DPYD: variants seen among roughly 807,000 people sequenced by gnomAD.
DPYD encodes dihydropyrimidine dehydrogenase.
DPYD carries 109 observed loss-of-function variants against 116.2 expected under a neutral mutation model. That is an observed-to-expected ratio of 0.94 (90% CI 0.80 to 1.10). The LOEUF (loss-of-function observed/expected upper bound fraction) is 1.10, where lower values mean the gene tolerates loss of function less well. DPYD is among the 50% of genes least tolerant of loss of function. The pLI is 0.00. For missense variants in DPYD, 1,302 were observed against 1,254.5 expected, an observed-to-expected ratio of 1.04 and a Z score of -0.57; for synonymous variants, 440 against 432.0, an observed-to-expected ratio of 1.02 and a Z score of -0.23.
intron 15 of DPYD, among the ~76,000 whole-genome samples, chr1:97,380,619 A>G (rs955457940): frequency 6.6e-6 from 1 of 152,206 alleles, no homozygotes; most frequent in African/African-American, 2.4e-5. Context: ...AAGGTTTAGT[A>G]TACATCATCA....
intron 3 of DPYD, among the ~76,000 whole-genome samples, chr1:97,825,207 T>G (rs1372654416): frequency 2.0e-5 from 3 of 152,062 alleles, no homozygotes; most frequent in Non-Finnish European, 4.4e-5. Flanking sequence ...GGATCTAAAG[T>G]GATTTGTAAA....
At chr1:97,590,414 C>T (rs1219793364) in intron 10 of DPYD, among the ~76,000 whole-genome samples, 1 of 152,104 alleles carries the variant, frequency 6.6e-6, no homozygotes, top group Non-Finnish European at 1.5e-5. Flanking sequence ...ATTCATTCCA[C>T]AATTATTGGT....
chr1:97,292,821 A>G (rs1371184326), intron 18 of DPYD, among the ~76,000 whole-genome samples: 1 of 152,014 alleles, frequency 6.6e-6, no homozygotes, highest in Non-Finnish European at 1.5e-5. Flanking sequence ...GGGATCTGGG[A>G]ACACTAGGGT....
chr1:97,327,152 T>C (rs1293887577), intron 16 of DPYD, among the ~76,000 whole-genome samples: 2 of 152,000 alleles, frequency 1.3e-5, no homozygotes, highest in Non-Finnish European at 2.9e-5. Context: ...AAAACTAACA[T>C]ATATACCACA....
At chr1:97,494,842 G>A (rs536921104) in intron 13 of DPYD, among the ~76,000 whole-genome samples, 7 of 151,880 alleles carry the variant, frequency 4.6e-5, no homozygotes, top group African/African-American at 7.3e-5. Flanking sequence ...CATCTAAGCC[G>A]GCTCCTGAGG....
intron 8 of DPYD, among the ~76,000 whole-genome samples, chr1:97,654,796 G>A (rs2100851156): frequency 6.6e-6 from 1 of 152,262 alleles, no homozygotes; most frequent in East Asian, 1.9e-4. Context: ...CTGAGACTGG[G>A]TAATTTATAA....
chr1:97,538,129 C>A (rs1650157011), intron 12 of DPYD, among the ~76,000 whole-genome samples: 1 of 151,716 alleles, frequency 6.6e-6, no homozygotes, highest in South Asian at 2.1e-4. Flanking sequence ...AATGGATGTG[C>A]ACCTCTTGGC....
At chr1:97,894,589 GAAAAC>G (rs1259411961) in intron 1 of DPYD, among the ~76,000 whole-genome samples, 6 of 151,294 alleles carry the variant, frequency 4.0e-5, no homozygotes, top group African/African-American at 4.8e-5. Context: ...GAAAAGAAAA[GAAAAC>G]AATATTACCA....
intron 7 of DPYD, among the ~76,000 whole-genome samples, chr1:97,682,863 A>T (rs1660499402): frequency 6.6e-6 from 1 of 152,080 alleles, no homozygotes; most frequent in Non-Finnish European, 1.5e-5. Flanking sequence ...TCGGAATACA[A>T]ATTCAATCTA....
At chr1:97,441,404 G>C (rs951925303) in intron 14 of DPYD, among the ~76,000 whole-genome samples, 1 of 151,732 alleles carries the variant, frequency 6.6e-6, no homozygotes, top group Admixed American at 6.6e-5. Context: ...CTCTGTTTGC[G>C]TGTGTGTGTG....
At chr1:97,497,267 A>G (rs150301841) in intron 13 of DPYD, among the ~76,000 whole-genome samples, 1 of 152,036 alleles carries the variant, frequency 6.6e-6, no homozygotes, top group East Asian at 1.9e-4. Flanking sequence ...ATTTCTTTGA[A>G]CTATATATAA....
At chr1:97,230,670 G>A (rs1661530855) in intron 19 of DPYD, among the ~76,000 whole-genome samples, 1 of 152,152 alleles carries the variant, frequency 6.6e-6, no homozygotes, top group East Asian at 1.9e-4. Context: ...TAGACAGTAA[G>A]CTATTGGGAC....
intron 16 of DPYD, among the ~76,000 whole-genome samples, chr1:97,333,124 C>A (rs1339923138): frequency 2.1e-5 from 3 of 146,310 alleles, no homozygotes; most frequent in Non-Finnish European, 4.4e-5. Flanking sequence ...GTGCCATGAT[C>A]TGCTCACTGC....
At chr1:97,505,427 A>G (rs764754488) in intron 13 of DPYD, among the ~76,000 whole-genome samples, 10 of 152,046 alleles carry the variant, frequency 6.6e-5, no homozygotes, top group Non-Finnish European at 1.0e-4. Context: ...TAGAATAAAG[A>G]CAGTTCAAAT....
At chr1:97,756,365 G>A (rs1665235495) in intron 3 of DPYD, among the ~76,000 whole-genome samples, 2 of 152,062 alleles carry the variant, frequency 1.3e-5, no homozygotes, top group East Asian at 3.9e-4. Context: ...CAGGCAGGGA[G>A]GCCAATGAGT....
intron 16 of DPYD, among the ~76,000 whole-genome samples, chr1:97,364,662 T>C (rs1429736228): frequency 6.6e-6 from 1 of 152,054 alleles, no homozygotes; most frequent in Admixed American, 6.6e-5. Flanking sequence ...ATAAACAATG[T>C]CAAGAGAGAC....
chr1:97,092,786 C>G (rs1649980520), intron 21 of DPYD, among the ~76,000 whole-genome samples: 1 of 152,046 alleles, frequency 6.6e-6, no homozygotes, highest in Non-Finnish European at 1.5e-5. Context: ...AACTCATTAT[C>G]TTTTATTTTT....
chr1:97,808,900 C>T (rs1668209736), intron 3 of DPYD, among the ~76,000 whole-genome samples: 1 of 152,054 alleles, frequency 6.6e-6, no homozygotes, highest in Non-Finnish European at 1.5e-5. Flanking sequence ...TGTTTAATTT[C>T]ATTGTTCAGT....
chr1:97,597,632 A>G (rs1391136687), intron 8 of DPYD, among the ~76,000 whole-genome samples: 1 of 152,190 alleles, frequency 6.6e-6, no homozygotes, highest in African/African-American at 2.4e-5. Flanking sequence ...TGCCTCAATA[A>G]TGTGGGTGGG....
Sources: gnomAD v4.1 joint callset for allele counts (sites outside exome capture counted in the v4.1 genomes callset) on GRCh38, gnomAD v4.1.1 for gene constraint, MANE v1.5 for transcripts, NCBI Gene and HGNC (gene_info 2026-07-23, HGNC 2026-07-21) for gene names.